The following MYO16 variants were observed in gnomAD, a reference collection of about 807,000 sequenced individuals.
MYO16 encodes the protein unconventional myosin-XVI.
A neutral mutation model predicts 205.3 loss-of-function variants in MYO16; 94 were observed. The observed-to-expected ratio is 0.46, with a 90% confidence interval of 0.39 to 0.54. MYO16 has a LOEUF of 0.54. Among genes scored for constraint, MYO16 ranks in the 20% least tolerant of loss-of-function variants. MYO16 has a pLI of 0.00. For missense variants in MYO16, 2,315 were observed against 2,387.5 expected (o/e 0.97, Z 0.63); for synonymous variants, 988 against 954.0 (o/e 1.04, Z -0.66).
chr13:109,140,731 C>T lies in MYO16; in HGVS notation c.4519C>T (p.Leu1507=), dbSNP rs761324996. 9 of 1,516,248 alleles carry T rather than the reference C, an allele frequency of 5.9e-6. No individual in the cohort carries two copies. The highest frequency in any genetic ancestry group is 7.9e-6 in the Non-Finnish European group (9 of 1,133,288). 93.9% of individuals were successfully genotyped at this position (1,516,248 alleles called of 1,614,324 possible). A position where few individuals can be genotyped will look rare whatever the true frequency, so the allele number is the denominator to read the frequency against. Reference sequence around the variant, plus strand: ...CGACATCCCGCCGCCCTTCCCCAACCTGCTGCCGCACCGGCCGCCCCTGCT... The same window carrying T: ...CGACATCCCGCCGCCCTTCCCCAACTTGCTGCCGCACCGGCCGCCCCTGCT... ...ACDIPPPFPN[L]LPHRPPLLVF... The change falls in exon 32 of 35, where the codon CTG becomes TTG. Residue 1507 remains leucine, a synonymous_variant. Transcript: ENST00000457511. The surrounding 1 kb of genome is among the most constrained non-coding windows in gnomAD (Gnocchi z 8.0).
intron 2 of MYO16, among the ~76,000 whole-genome samples, chr13:108,683,576 G>A (rs985238872): frequency 1.6e-4 from 24 of 152,138 alleles, no homozygotes; most frequent in Non-Finnish European, 2.6e-4. Context: ...AAGCACTGCC[G>A]CGTGATTGTG....
At chr13:108,909,668 G>T (rs1258809731) in intron 15 of MYO16, among the ~76,000 whole-genome samples, 1 of 151,798 alleles carries the variant, frequency 6.6e-6, no homozygotes, top group Non-Finnish European at 1.5e-5. Flanking sequence ...ACATGGCCGG[G>T]ACTCTCAAAC....
At chr13:108,944,163 C>T (rs1882845275) in intron 16 of MYO16, among the ~76,000 whole-genome samples, 1 of 152,054 alleles carries the variant, frequency 6.6e-6, no homozygotes, top group Non-Finnish European at 1.5e-5. Flanking sequence ...AGAGTTAATG[C>T]TTTTGAGCAG....
intron 4 of MYO16, among the ~76,000 whole-genome samples, chr13:108,783,307 A>G (rs1401121556): frequency 9.2e-5 from 14 of 152,110 alleles, no homozygotes; most frequent in Admixed American, 9.2e-4. Context: ...TAAATTTCAG[A>G]CTTGCTTGGG....
At chr13:108,759,086 A>C (rs1023117776) in intron 4 of MYO16, among the ~76,000 whole-genome samples, 1 of 152,192 alleles carries the variant, frequency 6.6e-6, no homozygotes, top group Non-Finnish European at 1.5e-5. Context: ...CCTGAGCCAA[A>C]TGAAAGGACT....
chr13:108,966,627 G>A (rs1883801509), intron 20 of MYO16, among the ~76,000 whole-genome samples: 1 of 151,962 alleles, frequency 6.6e-6, no homozygotes, highest in South Asian at 2.1e-4. Flanking sequence ...AGAGATTAAT[G>A]GGAAATTAGA....
intron 19 of MYO16, 110 bp downstream of exon 19, chr13:108,962,605 C>A: frequency 1.3e-6 from 1 of 777,390 alleles, no homozygotes. Context: ...AATTGAATGC[C>A]AAATGAGGAA....
At chr13:108,842,246 C>T (rs888045267) in intron 9 of MYO16, among the ~76,000 whole-genome samples, 1 of 151,732 alleles carries the variant, frequency 6.6e-6, no homozygotes, top group African/African-American at 2.4e-5. Flanking sequence ...TTCTGCACAG[C>T]AAAGAAAACA....
intron 4 of MYO16, among the ~76,000 whole-genome samples, chr13:108,753,403 A>G (rs908938705): frequency 6.7e-6 from 1 of 148,370 alleles, no homozygotes; most frequent in African/African-American, 2.5e-5. Context: ...AAACAATAAA[A>G]TATAACCCTG....
chr13:108,763,142 T>C lies in MYO16; in HGVS notation c.508-22493T>C, dbSNP rs143620244. Among the ~76,000 whole-genome samples, 73 of 152,308 alleles carry C rather than the reference T, an allele frequency of 4.8e-4. 1 individual carries two copies. In the South Asian group the frequency reaches 8.9e-3, roughly 19 times the overall value. On this transcript the variant is annotated intron_variant, in intron 4 of 34. Coordinates refer to ENST00000457511, the MANE Select transcript of MYO16 (RefSeq NM_001198950.3). ...CATATTCTTTATTGAGGGTCTACTA[T>C]GAGCCAGGAATGACGCTTGCTCTTG... is the stretch of plus-strand genomic sequence containing the variant.
At chr13:108,834,472 A>T (rs960023099) in intron 9 of MYO16, among the ~76,000 whole-genome samples, 1 of 152,164 alleles carries the variant, frequency 6.6e-6, no homozygotes, top group African/African-American at 2.4e-5. Flanking sequence ...TTCTAAAGAC[A>T]TTGCTCCAAG....
chr13:109,012,779 GTA>G (rs113007743), intron 22 of MYO16, among the ~76,000 whole-genome samples: 10,964 of 146,506 alleles, frequency 0.075, 438 homozygotes, highest in Non-Finnish European at 0.094. Context: ...ATGTGTGTGT[GTA>G]TATATATATA....
chr13:108,614,257 A>T (rs1879271002), intron 1 of MYO16, among the ~76,000 whole-genome samples: 1 of 152,238 alleles, frequency 6.6e-6, no homozygotes, highest in African/African-American at 2.4e-5. Flanking sequence ...GTGCTTAGGG[A>T]TAAATTAACA....
At chr13:108,855,716 T>C (rs1878135089) in intron 11 of MYO16, among the ~76,000 whole-genome samples, 163 bp downstream of exon 11, 1 of 152,346 alleles carries the variant, frequency 6.6e-6, no homozygotes, top group Admixed American at 6.5e-5. Flanking sequence ...TCATTCTGGC[T>C]CAGTTATAAG....
chr13:108,869,731 TAAAAAAAA>T (rs68025820), intron 12 of MYO16, among the ~76,000 whole-genome samples: 8 of 67,024 alleles, frequency 1.2e-4, no homozygotes, highest in Admixed American at 5.5e-4. Flanking sequence ...ACTCCGTTTC[TAAAAAAAA>T]AAAAAAAAAA....
chr13:108,527,398 T>C, the MYO16 span, among the ~76,000 whole-genome samples: 1 of 152,182 alleles, frequency 6.6e-6, no homozygotes, highest in Non-Finnish European at 1.5e-5. Flanking sequence ...AATGGTTAAG[T>C]GCATACCTTG....
chr13:109,010,259 C>T (rs1476187956), intron 22 of MYO16, among the ~76,000 whole-genome samples: 1 of 152,120 alleles, frequency 6.6e-6, no homozygotes, highest in Non-Finnish European at 1.5e-5. Context: ...TCATTAATCC[C>T]TTTCTTATGG....
intron 19 of MYO16, among the ~76,000 whole-genome samples, chr13:108,963,956 T>C (rs1410702121): frequency 6.6e-6 from 1 of 152,148 alleles, no homozygotes; most frequent in Non-Finnish European, 1.5e-5. Flanking sequence ...AACTTGCAGC[T>C]CTCTGACTAC....
intron 32 of MYO16, among the ~76,000 whole-genome samples, chr13:109,161,633 TTACG>T (rs1439621595): frequency 1.3e-5 from 2 of 152,214 alleles, no homozygotes; most frequent in African/African-American, 4.8e-5. Context: ...TTCTTATGCC[TTACG>T]TTAAGAAGGG....
Sources: allele counts gnomAD v4.1 joint callset (sites outside exome capture counted in the v4.1 genomes callset), GRCh38; gene constraint gnomAD v4.1.1; non-coding constraint Gnocchi (gnomAD v3.1); transcripts MANE v1.5; gene names NCBI Gene and HGNC (gene_info 2026-07-23, HGNC 2026-07-21).